Variants in MYH9 observed in about 807,000 individuals in gnomAD.
MYH9 encodes myosin-9.
MYH9 carries 29 observed loss-of-function variants against 241.9 expected under a neutral mutation model. The ratio of observed to expected loss-of-function variants is 0.12; its 90% CI spans 0.09 to 0.16. MYH9 has a LOEUF of 0.16. Ranked by LOEUF, MYH9 falls within the 10% of genes least tolerant of loss-of-function variation. The probability of loss-of-function intolerance (pLI) is 1.00; values close to 1 mark genes in which losing one functional copy is unlikely to be tolerated. For synonymous variants in MYH9, 1,047 were observed against 1,062.6 expected (o/e 0.99, Z 0.29); for missense variants, 1,803 against 2,595.5 (o/e 0.69, Z 6.63).
rs116539048 is a variant in MYH9, at chr22:36,308,098, T to C, written c.1843+1184A>G. Among the ~76,000 whole-genome samples, 1,218 of 152,146 alleles carry C rather than the reference T, an allele frequency of 8.0e-3. 22 individuals carry two copies. The highest frequency in any genetic ancestry group is 0.026 in the African/African-American group (1,097 of 41,476). On this transcript the variant is annotated intron_variant, in intron 15 of 40. Coordinates refer to ENST00000216181, the MANE Select transcript of MYH9 (RefSeq NM_002473.6). ...TGGAGCAGACCTTGCCGAGCAACTG[T>C]TGAATGAACACACAGATGCCACTTC... is the stretch of plus-strand genomic sequence containing the variant.
At chr22:36,292,987 A>G (rs755757300) in intron 30 of MYH9, among the ~76,000 whole-genome samples, 1 of 152,218 alleles carries the variant, frequency 6.6e-6, no homozygotes, top group Non-Finnish European at 1.5e-5. Context: ...CACAACCCTG[A>G]CAGGGTAACT....
intron 9 of MYH9, chr22:36,319,974 T>C: frequency 1.6e-6 from 1 of 619,358 alleles, no homozygotes; most frequent in Non-Finnish European, 2.8e-6. Context: ...GGCTGTGCAG[T>C]GGACCCGAGT....
Position 36,295,513 on chromosome 22 carries a change from C to T in MYH9, c.3477G>A (p.Gln1159=), listed in dbSNP as rs2016774699. Residue 1159 remains glutamine (Q), a synonymous_variant, in exon 26 of 41, where the codon CAG becomes CAA. Coordinates refer to ENST00000216181, the MANE Select transcript of MYH9 (RefSeq NM_002473.6). The surrounding 1 kb of genome is among the most constrained non-coding windows in gnomAD (Gnocchi z 4.1). The stretch of plus-strand genomic sequence containing the variant: ...TTGGTCCCAGGGCACACCTGAGCTC[C>T]TGCTGGGCAGCTGTGGAATCCAGCG... The part of the protein sequence containing the change: ...EDTLDSTAAQ[Q]ELRSKREQEV... 1 of 1,612,650 alleles carries T rather than the reference C, an allele frequency of 6.2e-7. No individual in the cohort carries two copies. Among genetic ancestry groups the T allele is most frequent in the Non-Finnish European group, 8.5e-7 (1 of 1,180,012 alleles).
chr22:36,341,317 T>C, intron 3 of MYH9, 53 bp downstream of exon 3: 1 of 1,608,396 alleles, frequency 6.2e-7, no homozygotes, highest in Non-Finnish European at 8.5e-7. Flanking sequence ...AAGGTGTCAA[T>C]GAGGCCCCAG....
chr22:36,331,612 T>C (rs1179087305), intron 3 of MYH9, among the ~76,000 whole-genome samples: 1 of 152,132 alleles, frequency 6.6e-6, no homozygotes, highest in Non-Finnish European at 1.5e-5. Flanking sequence ...CTCTTGTCCA[T>C]AAAAGGCCAC....
intron 1 of MYH9, among the ~76,000 whole-genome samples, chr22:36,379,728 C>T (rs535283233): frequency 6.6e-6 from 1 of 152,168 alleles, no homozygotes; most frequent in African/African-American, 2.4e-5. Context: ...CACACCCTTC[C>T]GGAAGGCCCT....
intron 1 of MYH9, among the ~76,000 whole-genome samples, chr22:36,379,611 G>A (rs1231030078): frequency 2.0e-5 from 3 of 152,224 alleles, no homozygotes; most frequent in Non-Finnish European, 4.4e-5. Flanking sequence ...ATACCATAAG[G>A]ATGGTAAGGG....
Position 36,309,015 on chromosome 22 carries a change from T to G in MYH9, c.1843+267A>C, listed in dbSNP as rs113403677. The G allele has an allele frequency of 2.5e-4, 86 of 349,942 alleles. 1 individual carries two copies. Among genetic ancestry groups the G allele is most frequent in the African/African-American group, 1.8e-3 (80 of 45,214 alleles). 21.7% of individuals were successfully genotyped at this position (349,942 alleles called of 1,614,324 possible). On this transcript the variant is annotated intron_variant, in intron 15 of 40. Coordinates refer to ENST00000216181, the MANE Select transcript of MYH9 (RefSeq NM_002473.6). ...TGGCGCGGGGCTGGGAGCCTGGGCT[T>G]CGAGGCTCGGGGCTGCCCTTGACTT... is the stretch of plus-strand genomic sequence containing the variant.
At chr22:36,352,529 GC>G (rs2017782515) in intron 1 of MYH9, among the ~76,000 whole-genome samples, 1 of 152,208 alleles carries the variant, frequency 6.6e-6, no homozygotes. Context: ...CACTCAGACT[GC>G]CCTGGAAATC....
chr22:36,284,284 G>A lies in MYH9; in HGVS notation c.5593-19C>T. 6.2e-7 allele frequency: 1 copy of A among 1,606,854 alleles called. No homozygotes were observed. The highest frequency in any genetic ancestry group is 8.5e-7 in the Non-Finnish European group (1 of 1,178,682). ...TGTCGGCCTGCGGAGATGGACGTGT[G>A]GCCCGTGGCCCCGGTTAGGGGCTCT... On this transcript the variant is annotated intron_variant, in intron 39 of 40. Transcript: ENST00000216181.
chr22:36,300,317 G>A lies in MYH9; in HGVS notation c.2839-53C>T. The A allele has an allele frequency of 1.2e-6, 2 of 1,606,790 alleles. No individual in the cohort carries two copies. The highest frequency in any genetic ancestry group is 1.7e-6 in the Non-Finnish European group (2 of 1,179,690). ...ACAGCAGGCCCAGAGGCATGGCCAA[G>A]GTGAAGGCAGCAAGGTCCGAAGGCC... On this transcript the variant is annotated intron_variant, in intron 22 of 40. Coordinates refer to ENST00000216181, the MANE Select transcript of MYH9 (RefSeq NM_002473.6). This position sits in a 1 kb window ranked among gnomAD's most constrained non-coding sequence, Gnocchi z 5.0.
Position 36,306,124 on chromosome 22 carries a change from T to C in MYH9, c.2038-73A>G. On this transcript the variant is annotated intron_variant, in intron 16 of 40. Transcript: ENST00000216181. This position sits in a 1 kb window ranked among gnomAD's most constrained non-coding sequence, Gnocchi z 4.1. The stretch of plus-strand genomic sequence containing the variant: ...AGTCGGAGAATAGTCAGGGAACCCC[T>C]ATGAACCTGACAGGGCAAGAGCCTA... 6.2e-7 allele frequency: 1 copy of C among 1,600,062 alleles called. No individual in the cohort carries two copies. The highest frequency in any genetic ancestry group is 8.5e-7 in the Non-Finnish European group (1 of 1,175,510).
At chr22:36,352,880 T>C (rs888116650) in intron 1 of MYH9, among the ~76,000 whole-genome samples, 3 of 152,172 alleles carry the variant, frequency 2.0e-5, no homozygotes, top group Non-Finnish European at 2.9e-5. Flanking sequence ...GACAGGGCTA[T>C]TTGGTTTCAG....
chr22:36,300,504 G>A lies in MYH9; in HGVS notation c.2839-240C>T, dbSNP rs961674367. ...AACTGGGACACAGGGCCAGAACATC[G>A]GTGCAATGTTCTGAAGGGTTTCCTG... On this transcript the variant is annotated intron_variant, in intron 22 of 40. Coordinates refer to ENST00000216181, the MANE Select transcript of MYH9 (RefSeq NM_002473.6). This position sits in a 1 kb window ranked among gnomAD's most constrained non-coding sequence, Gnocchi z 5.0. Among the ~76,000 whole-genome samples, 19 of 152,190 alleles carry A rather than the reference G, an allele frequency of 1.2e-4. No individual in the cohort carries two copies. The highest frequency in any genetic ancestry group is 3.1e-4 in the African/African-American group (13 of 41,440).
intron 27 of MYH9, 94 bp from the exon 28 acceptor site, chr22:36,294,392 C>G (rs2016757075): frequency 7.3e-7 from 1 of 1,378,228 alleles, no homozygotes; most frequent in East Asian, 2.3e-5. Flanking sequence ...GACATCGCTG[C>G]TTCTGCAGCC....
intron 34 of MYH9, among the ~76,000 whole-genome samples, chr22:36,287,571 G>A (rs1312393238): frequency 6.6e-6 from 1 of 151,998 alleles, no homozygotes; most frequent in Non-Finnish European, 1.5e-5. Context: ...GTGAAACCCC[G>A]TCTCTACTAA....
chr22:36,301,682 A>C lies in MYH9; in HGVS notation c.2500-17T>G. On this transcript the variant is annotated splice_polypyrimidine_tract_variant and intron_variant, in intron 20 of 40. Transcript: ENST00000216181. ...CGGCTTGACCTGGGAGAGGAGATAGAGGTAGAGACATGCTCGGCTGGAAGA... is the reference window on the plus strand; with the variant it reads ...CGGCTTGACCTGGGAGAGGAGATAGCGGTAGAGACATGCTCGGCTGGAAGA... The C allele has an allele frequency of 6.2e-7, 1 of 1,612,200 alleles. No homozygotes were observed. The highest frequency in any genetic ancestry group is 8.5e-7 in the Non-Finnish European group (1 of 1,179,930).
chr22:36,325,624 G>A (rs775626794), intron 5 of MYH9, among the ~76,000 whole-genome samples: 8 of 152,224 alleles, frequency 5.3e-5, no homozygotes, highest in Non-Finnish European at 8.8e-5. Flanking sequence ...GAGGGCAGCC[G>A]GCCATCTGCA....
intron 1 of MYH9, among the ~76,000 whole-genome samples, chr22:36,376,300 T>A (rs191302382): frequency 4.6e-5 from 7 of 152,144 alleles, no homozygotes; most frequent in African/African-American, 1.7e-4. Flanking sequence ...GAGACTGTGA[T>A]GGGACCCAGA....
Sources: gnomAD v4.1 joint callset for allele counts (sites outside exome capture counted in the v4.1 genomes callset) on GRCh38, gnomAD v4.1.1 for gene constraint, Gnocchi (gnomAD v3.1) non-coding constraint, MANE v1.5 for transcripts, NCBI Gene and HGNC (gene_info 2026-07-23, HGNC 2026-07-21) for gene names.